Variants in ZBTB16 observed in about 807,000 individuals in gnomAD.
The protein encoded by ZBTB16 is zinc finger and BTB domain containing 16.
In ZBTB16, 8 loss-of-function variants were observed where a neutral mutation model predicts 56.8. The observed-to-expected ratio is 0.14, with a 90% CI of 0.08 to 0.25. ZBTB16 has a LOEUF of 0.25. ZBTB16 is among the 10% of genes least tolerant of loss of function. The pLI, the probability that ZBTB16 is intolerant of heterozygous loss-of-function variation, is 1.00. For missense variants in ZBTB16, 625 were observed against 903.0 expected (o/e 0.69, Z 3.95); for synonymous variants, 363 against 368.5 (o/e 0.98, Z 0.17).
At position 114,247,271 on chromosome 11, in the gene ZBTB16, C is replaced by T; in HGVS notation, c.1698C>T (p.Arg566=). 2 of 1,614,270 alleles carry T rather than the reference C, an allele frequency of 1.2e-6. No homozygotes were observed. Among genetic ancestry groups the T allele is most frequent in the Non-Finnish European group, 8.5e-7 (1 of 1,180,046 alleles). ...AGAGCACACTCAAGAGCCACAAACG[C>T]ATCCACACGGGTGAGAAACCCTACG... ...RDESTLKSHK[R]IHTGEKPYEC... is the part of the protein sequence containing the mutation. Residue 566 remains arginine, a synonymous_variant, in exon 6 of 7, where the codon CGC becomes CGT. Transcript: ENST00000335953.
intron 2 of ZBTB16, among the ~76,000 whole-genome samples, chr11:114,117,420 C>T (rs76509279): frequency 0.029 from 4,432 of 151,814 alleles, 212 homozygotes; most frequent in African/African-American, 0.1. Flanking sequence ...GAGGAACCAC[C>T]TAGGAGCCCG....
intron 4 of ZBTB16, among the ~76,000 whole-genome samples, chr11:114,239,600 C>T (rs1283094330): frequency 6.6e-6 from 1 of 152,212 alleles, no homozygotes; most frequent in Non-Finnish European, 1.5e-5. Flanking sequence ...TTATGTCTCC[C>T]TCCAGCAAGT....
chr11:114,093,889 G>A (rs1940284561), intron 2 of ZBTB16, among the ~76,000 whole-genome samples: 1 of 152,174 alleles, frequency 6.6e-6, no homozygotes, highest in African/African-American at 2.4e-5. Context: ...GGTTTTGGGT[G>A]GAATGAAACT....
At chr11:114,201,862 A>T (rs1943744075) in intron 4 of ZBTB16, among the ~76,000 whole-genome samples, 1 of 152,246 alleles carries the variant, frequency 6.6e-6, no homozygotes, top group Non-Finnish European at 1.5e-5. Context: ...TTACAAGCAC[A>T]TATCACTTAC....
At chr11:114,178,100 G>A (rs1373335426) in intron 3 of ZBTB16, among the ~76,000 whole-genome samples, 1 of 152,134 alleles carries the variant, frequency 6.6e-6, no homozygotes, top group Non-Finnish European at 1.5e-5. Flanking sequence ...TCTCCTCCTG[G>A]GGAAGAATGA....
intron 4 of ZBTB16, among the ~76,000 whole-genome samples, chr11:114,199,724 G>A (rs1000183803): frequency 6.6e-6 from 1 of 152,206 alleles, no homozygotes; most frequent in African/African-American, 2.4e-5. Context: ...TCCAAGGACA[G>A]CCTAAGATTC....
At chr11:114,076,462 C>G (rs1939569200) in intron 2 of ZBTB16, among the ~76,000 whole-genome samples, 1 of 152,158 alleles carries the variant, frequency 6.6e-6, no homozygotes, top group Admixed American at 6.5e-5. Flanking sequence ...TTAAAAGCAG[C>G]TCTTGCCCCG....
chr11:114,139,699 C>T lies in ZBTB16; in HGVS notation c.1269-16638C>T, dbSNP rs74320831. Among the ~76,000 whole-genome samples, 221 of 150,408 alleles carry T rather than the reference C, an allele frequency of 1.5e-3. 1 individual carries two copies. The highest frequency in any genetic ancestry group is 4.5e-3 in the African/African-American group (184 of 40,514). ...TTCTTATGGAAGGTGCCAGTTTCTG[C>T]AGCATCTTCTTGCCTTTTTGGCATC... is the stretch of plus-strand genomic sequence containing the variant. On this transcript the variant is annotated intron_variant, in intron 2 of 6. Transcript: ENST00000335953.
At chr11:114,131,672 C>A (rs190779559) in intron 2 of ZBTB16, among the ~76,000 whole-genome samples, 17 of 152,296 alleles carry the variant, frequency 1.1e-4, no homozygotes, top group Admixed American at 2.6e-4. Context: ...TAGCTCCCCC[C>A]CTTTTTTTCA....
At chr11:114,145,089 A>G (rs1942063913) in intron 2 of ZBTB16, among the ~76,000 whole-genome samples, 1 of 152,274 alleles carries the variant, frequency 6.6e-6, no homozygotes. Flanking sequence ...ATGCTAGTTT[A>G]CCAAAGAAGC....
intron 4 of ZBTB16, among the ~76,000 whole-genome samples, chr11:114,229,038 CCA>C (rs1944386024): frequency 6.6e-6 from 1 of 152,052 alleles, no homozygotes; most frequent in Non-Finnish European, 1.5e-5. Context: ...TCAGTAACAC[CCA>C]CACACACACT....
chr11:114,229,425 A>T (rs1322526865), intron 4 of ZBTB16, among the ~76,000 whole-genome samples: 1 of 152,186 alleles, frequency 6.6e-6, no homozygotes, highest in Non-Finnish European at 1.5e-5. Context: ...CACACTGTAA[A>T]TTATATTTCC....
intron 4 of ZBTB16, among the ~76,000 whole-genome samples, chr11:114,195,709 A>G (rs952431306): frequency 6.6e-6 from 1 of 152,154 alleles, no homozygotes; most frequent in African/African-American, 2.4e-5. Flanking sequence ...GGATAATCTC[A>G]ATATAGGCCT....
At chr11:114,106,129 G>A (rs1345269496) in intron 2 of ZBTB16, among the ~76,000 whole-genome samples, 3 of 152,110 alleles carry the variant, frequency 2.0e-5, no homozygotes, top group Non-Finnish European at 4.4e-5. Flanking sequence ...GCGGAGGGTT[G>A]TTAGGAGGAA....
intron 3 of ZBTB16, among the ~76,000 whole-genome samples, chr11:114,168,821 A>G (rs757607988): frequency 1.3e-5 from 2 of 152,198 alleles, no homozygotes; most frequent in Non-Finnish European, 2.9e-5. Context: ...AGGGTGGCAT[A>G]GTAATTGGCT....
chr11:114,231,428 G>T (rs953688303), intron 4 of ZBTB16, among the ~76,000 whole-genome samples: 4 of 152,176 alleles, frequency 2.6e-5, no homozygotes, highest in African/African-American at 9.6e-5. Context: ...CCCTCACCTG[G>T]CACAGAGAGG....
chr11:114,204,370 C>T (rs1306930896), intron 4 of ZBTB16, among the ~76,000 whole-genome samples: 3 of 152,108 alleles, frequency 2.0e-5, no homozygotes, highest in African/African-American at 7.2e-5. Flanking sequence ...AAACTCCTGA[C>T]CTCAGGTGAT....
At chr11:114,145,792 G>A (rs895071250) in intron 2 of ZBTB16, among the ~76,000 whole-genome samples, 5 of 152,138 alleles carry the variant, frequency 3.3e-5, no homozygotes, top group Admixed American at 6.5e-5. Context: ...AAATTTTGTG[G>A]TACGTGGAAA....
chr11:114,191,489 C>T (rs1025231144), intron 4 of ZBTB16, among the ~76,000 whole-genome samples: 2 of 152,086 alleles, frequency 1.3e-5, no homozygotes, highest in Non-Finnish European at 2.9e-5. Context: ...ACCATCTAGG[C>T]TTATGTAAGT....
Sources: gnomAD v4.1 joint callset for allele counts (sites outside exome capture counted in the v4.1 genomes callset) on GRCh38, gnomAD v4.1.1 for gene constraint, MANE v1.5 for transcripts, NCBI Gene and HGNC (gene_info 2026-07-23, HGNC 2026-07-21) for gene names.